Variants in GRIK3 observed in about 807,000 individuals in gnomAD.
GRIK3 encodes glutamate receptor ionotropic, kainate 3.
Under a neutral mutation model 102.5 loss-of-function variants are expected in GRIK3, and 29 were observed. That is an observed-to-expected ratio of 0.28 (90% CI 0.21 to 0.39). The LOEUF is 0.39. GRIK3 is among the 10% of genes least tolerant of loss of function. The probability of loss-of-function intolerance (pLI) is 1.00; values close to 1 mark genes in which losing one functional copy is unlikely to be tolerated. For synonymous variants in GRIK3, 511 were observed against 504.9 expected, an observed-to-expected ratio of 1.01 and a Z score of -0.16; for missense variants, 908 against 1,252.4, an observed-to-expected ratio of 0.73 and a Z score of 4.15.
chr1:36,958,200 C>T (rs552661), intron 1 of GRIK3, among the ~76,000 whole-genome samples: 1,221 of 57,718 alleles, frequency 0.021, no homozygotes, highest in African/African-American at 0.031. Context: ...GTCTGTGTGC[C>T]CTGTGAGTCT....
chr1:36,877,040 C>T (rs1168939738), intron 3 of GRIK3, among the ~76,000 whole-genome samples: 2 of 152,084 alleles, frequency 1.3e-5, no homozygotes, highest in African/African-American at 2.4e-5. Flanking sequence ...GGGTACCTGC[C>T]CAGTGATCAC....
intron 1 of GRIK3, among the ~76,000 whole-genome samples, chr1:37,009,884 G>A (rs1642572113): frequency 6.6e-6 from 1 of 152,142 alleles, no homozygotes; most frequent in Non-Finnish European, 1.5e-5. Flanking sequence ...AAGCAGGGGT[G>A]GGGACTGTTG....
chr1:36,979,943 G>A (rs923157389), intron 1 of GRIK3, among the ~76,000 whole-genome samples: 1 of 152,184 alleles, frequency 6.6e-6, no homozygotes, highest in Non-Finnish European at 1.5e-5. Context: ...AGGCTTTCCA[G>A]GTATAGCTCC....
chr1:36,897,578 C>A (rs1215940407), intron 1 of GRIK3, among the ~76,000 whole-genome samples: 1 of 152,020 alleles, frequency 6.6e-6, no homozygotes, highest in Non-Finnish European at 1.5e-5. Flanking sequence ...AAATGCAAAT[C>A]CAAACTAGTG....
intron 1 of GRIK3, among the ~76,000 whole-genome samples, chr1:36,927,057 G>C (rs1384097103): frequency 6.6e-6 from 1 of 152,196 alleles, no homozygotes; most frequent in East Asian, 1.9e-4. Flanking sequence ...CACAAATAAA[G>C]TGTCATGTCC....
intron 12 of GRIK3, among the ~76,000 whole-genome samples, chr1:36,818,945 C>T (rs1373775869): frequency 1.3e-5 from 2 of 152,144 alleles, no homozygotes; most frequent in Non-Finnish European, 2.9e-5. Flanking sequence ...GAGCACATGG[C>T]TGGTGGCCAG....
intron 7 of GRIK3, among the ~76,000 whole-genome samples, chr1:36,854,395 C>T (rs1355077986): frequency 6.6e-6 from 1 of 152,188 alleles, no homozygotes; most frequent in Non-Finnish European, 1.5e-5. Flanking sequence ...GGTCCCGGCA[C>T]AAGATGAACA....
At chr1:36,854,168 AC>A (rs543636188) in intron 7 of GRIK3, among the ~76,000 whole-genome samples, 3 of 151,974 alleles carry the variant, frequency 2.0e-5, no homozygotes, top group African/African-American at 4.8e-5. Flanking sequence ...GACCGAAATC[AC>A]CCCCCAACCT....
chr1:36,855,841 C>T (rs1236457537), intron 7 of GRIK3, among the ~76,000 whole-genome samples: 1 of 152,232 alleles, frequency 6.6e-6, no homozygotes, highest in Non-Finnish European at 1.5e-5. Context: ...CCCACATGAG[C>T]GCATTCAGTC....
chr1:36,935,337 A>G (rs1641644977), intron 1 of GRIK3, among the ~76,000 whole-genome samples: 1 of 152,190 alleles, frequency 6.6e-6, no homozygotes, highest in Non-Finnish European at 1.5e-5. Flanking sequence ...GGGTACCCAT[A>G]TACCCAGGTA....
At chr1:36,963,876 G>C (rs921814966) in intron 1 of GRIK3, among the ~76,000 whole-genome samples, 8 of 152,230 alleles carry the variant, frequency 5.3e-5, no homozygotes, top group African/African-American at 1.9e-4. Flanking sequence ...GCATGGAACT[G>C]AGTCTCTGGT....
At chr1:37,014,498 G>C (rs191035293) in intron 1 of GRIK3, among the ~76,000 whole-genome samples, 32 of 152,334 alleles carry the variant, frequency 2.1e-4, no homozygotes, top group South Asian at 4.1e-4. Flanking sequence ...TTTCATACCT[G>C]AATGGAGTAA....
chr1:36,877,868 A>G (rs1394103663), intron 3 of GRIK3, among the ~76,000 whole-genome samples: 3 of 152,220 alleles, frequency 2.0e-5, no homozygotes, highest in African/African-American at 7.2e-5. Context: ...GGCTCTGACT[A>G]AATGTATATG....
intron 13 of GRIK3, among the ~76,000 whole-genome samples, chr1:36,809,315 CCTAT>C (rs1285572085): frequency 5.9e-5 from 9 of 152,142 alleles, no homozygotes; most frequent in Admixed American, 6.5e-5. Flanking sequence ...TGACTATCCA[CCTAT>C]CTATTACTTA....
chr1:36,823,268 T>A (rs1642715723), intron 11 of GRIK3, among the ~76,000 whole-genome samples: 2 of 151,970 alleles, frequency 1.3e-5, no homozygotes, highest in South Asian at 4.2e-4. Flanking sequence ...GGTCAGGAGA[T>A]CGAGACCATC....
At chr1:36,962,704 A>T (rs1238737684) in intron 1 of GRIK3, among the ~76,000 whole-genome samples, 5 of 151,792 alleles carry the variant, frequency 3.3e-5, no homozygotes, top group Non-Finnish European at 7.4e-5. Context: ...AGAAGGAGAT[A>T]TGGAGAGGCA....
rs538628891 is a variant in GRIK3 at position 36,824,471 on chromosome 1, G to A, written c.1754+1132C>T. Among the ~76,000 whole-genome samples the A allele has an allele frequency of 2.0e-3, 299 of 152,312 alleles. 4 individuals are homozygous for A. The highest frequency in any genetic ancestry group is 6.8e-3 in the Middle Eastern group (2 of 294). ...CTGGCAGCACAGGGCCTGGGGAGCA[G>A]GGACATTTCATCACTCACAGCCTTC... On this transcript the variant is annotated intron_variant, in intron 11 of 15. Coordinates refer to ENST00000373091, the MANE Select transcript of GRIK3 (RefSeq NM_000831.4).
chr1:37,030,503 G>A (rs1216769920), intron 1 of GRIK3, among the ~76,000 whole-genome samples: 1 of 150,918 alleles, frequency 6.6e-6, no homozygotes, highest in Non-Finnish European at 1.5e-5. Flanking sequence ...GATGCTCAGA[G>A]TCCAGAGCTG....
rs527661216 is a variant in GRIK3, at chr1:36,935,276, C to T, written c.116-44180G>A. Reference sequence around the variant, plus strand: ...TGCATATCATGGTTCTCTAAGGCAACTCATTTTTTAATTTCAATTTAAACA... The same window carrying T: ...TGCATATCATGGTTCTCTAAGGCAATTCATTTTTTAATTTCAATTTAAACA... On this transcript the variant is annotated intron_variant, in intron 1 of 15. Coordinates refer to ENST00000373091, the MANE Select transcript of GRIK3 (RefSeq NM_000831.4). Among the ~76,000 whole-genome samples, 537 of 152,222 alleles carry T rather than the reference C, an allele frequency of 3.5e-3. 4 individuals are homozygous for T. The highest frequency in any genetic ancestry group is 6.8e-3 in the Middle Eastern group (2 of 294).
Sources: gnomAD v4.1 joint callset for allele counts (sites outside exome capture counted in the v4.1 genomes callset) on GRCh38, gnomAD v4.1.1 for gene constraint, MANE v1.5 for transcripts, NCBI Gene and HGNC (gene_info 2026-07-23, HGNC 2026-07-21) for gene names.